The following EPB41L4A variants were observed in gnomAD, a reference collection of about 807,000 sequenced individuals.
The protein encoded by EPB41L4A is erythrocyte membrane protein band 4.1 like 4A.
EPB41L4A carries 100 observed loss-of-function variants against 108.6 expected under a neutral mutation model. The ratio of observed to expected loss-of-function variants is 0.92; its 90% CI spans 0.78 to 1.09. The LOEUF (loss-of-function observed/expected upper bound fraction) is 1.09, where lower values mean the gene tolerates loss of function less well. EPB41L4A is among the 50% of genes least tolerant of loss of function. The pLI, the probability that EPB41L4A is intolerant of heterozygous loss-of-function variation, is 0.00. For missense variants in EPB41L4A, 1,030 were observed against 842.7 expected (o/e 1.22, Z -2.75); for synonymous variants, 319 against 289.0 (o/e 1.10, Z -1.05).
chr5:112,323,139 A>C (rs1755913064), intron 1 of EPB41L4A, among the ~76,000 whole-genome samples: 1 of 152,166 alleles, frequency 6.6e-6, no homozygotes, highest in African/African-American at 2.4e-5. Context: ...AGATGTAACC[A>C]GAAGACAAAA....
chr5:112,195,337 C>T lies in EPB41L4A; in HGVS notation c.1424+324G>A, dbSNP rs568128976. ...CAGCCTCATGAAATCGTGAACAAGA[C>T]GAGCTAAAAAGCTGCCTGTTCAATG... On this transcript the variant is annotated intron_variant, in intron 16 of 22. Coordinates refer to ENST00000261486, the MANE Select transcript of EPB41L4A (RefSeq NM_022140.5). Among the ~76,000 whole-genome samples the T allele has an allele frequency of 5.9e-5, 9 of 151,946 alleles. 1 individual carries two copies. The highest frequency in any genetic ancestry group is 1.7e-4 in the African/African-American group (7 of 41,424).
chr5:112,255,500 T>C (rs1302638684), intron 9 of EPB41L4A, among the ~76,000 whole-genome samples: 1 of 152,136 alleles, frequency 6.6e-6, no homozygotes, highest in South Asian at 2.1e-4. Context: ...ATCTCCTACA[T>C]TCCTAAATTC....
chr5:112,314,383 G>A lies in EPB41L4A; in HGVS notation c.100-6893C>T, dbSNP rs1220787089. ...ACTTTGCAAAAGAAAAGATATGGAA[G>A]TCAGCCGGGCATGGTGGCTCATGCC... On this transcript the variant is annotated intron_variant, in intron 1 of 22. Coordinates refer to ENST00000261486, the MANE Select transcript of EPB41L4A (RefSeq NM_022140.5). Among the ~76,000 whole-genome samples the A allele has an allele frequency of 2.6e-5, 4 of 151,402 alleles. No individual in the cohort carries two copies. The South Asian group carries it at 6.3e-4, about 24-fold the overall frequency.
chr5:112,194,678 A>G (rs773704217), intron 16 of EPB41L4A, 33 bp from the exon 17 acceptor site: 3 of 1,484,694 alleles, frequency 2.0e-6, no homozygotes, highest in South Asian at 1.2e-5. Context: ...AAAAGAAAAA[A>G]CACACATTTA....
At chr5:112,391,964 A>G (rs578099930) in intron 1 of EPB41L4A, among the ~76,000 whole-genome samples, 1 of 152,288 alleles carries the variant, frequency 6.6e-6, no homozygotes, top group South Asian at 2.1e-4. Flanking sequence ...AATTTCATAT[A>G]CAGCCAAACT....
chr5:112,160,178 G>A (rs768837138), downstream of EPB41L4A, among the ~76,000 whole-genome samples: 2 of 152,086 alleles, frequency 1.3e-5, no homozygotes, highest in Non-Finnish European at 2.9e-5. Flanking sequence ...CCAAAGTGCT[G>A]GGATTACAGG....
intron 1 of EPB41L4A, among the ~76,000 whole-genome samples, chr5:112,341,764 A>ACC (rs1443719165): frequency 1.3e-5 from 2 of 151,750 alleles, no homozygotes; most frequent in Non-Finnish European, 1.5e-5. Flanking sequence ...ACACACACAC[A>ACC]CACACACACA....
At chr5:112,196,203 G>A (rs773887345) in intron 15 of EPB41L4A, among the ~76,000 whole-genome samples, 20 of 152,086 alleles carry the variant, frequency 1.3e-4, no homozygotes, top group African/African-American at 2.4e-4. Flanking sequence ...TTTACCACTC[G>A]CCATTTACTT....
chr5:112,339,510 A>ATATATC (rs1491378172), intron 1 of EPB41L4A, among the ~76,000 whole-genome samples: 2 of 56,016 alleles, frequency 3.6e-5, no homozygotes, highest in African/African-American at 1.1e-4. Flanking sequence ...ATATATATAT[A>ATATATC]GATATATAGA....
intron 2 of EPB41L4A, among the ~76,000 whole-genome samples, chr5:112,305,804 C>G (rs1049993259): frequency 6.6e-6 from 1 of 152,124 alleles, no homozygotes; most frequent in African/African-American, 2.4e-5. Context: ...ATATTCTTAT[C>G]ACATCAAAAC....
Position 112,164,691 on chromosome 5 carries a change from C to A in EPB41L4A, c.*299G>T, listed in dbSNP as rs904185820. On this transcript the variant is annotated 3_prime_UTR_variant, in exon 23 of 23. Coordinates refer to ENST00000261486, the MANE Select transcript of EPB41L4A (RefSeq NM_022140.5). ...TACTAAAAATACAAAAAGAATTAGC[C>A]GGGTGTTGTGGTGCACGCCTGTAAT... 1.1e-5 allele frequency: 2 copies of A among 181,662 alleles called. No homozygotes were observed. Among genetic ancestry groups the A allele is most frequent in the Admixed American group, 1.2e-4 (2 of 16,138 alleles). The allele number at this position is 181,662 out of a possible 1,614,324, so 11.3% of individuals were successfully genotyped here.
Position 112,187,694 on chromosome 5 carries a change from C to T in EPB41L4A, c.1503-3559G>A, listed in dbSNP as rs566899781. Among the ~76,000 whole-genome samples the T allele has an allele frequency of 5.9e-5, 9 of 152,290 alleles. No homozygotes were observed. In the East Asian group the frequency reaches 1.2e-3, roughly 20 times the overall value. On this transcript the variant is annotated intron_variant, in intron 17 of 22. Transcript: ENST00000261486. ...ACCAATGAATTCTTACACAAATCCC[C>T]GAGTTTTATTGTGTCCTCTCCCTTT... is the stretch of plus-strand genomic sequence containing the variant.
intron 1 of EPB41L4A, among the ~76,000 whole-genome samples, chr5:112,396,933 T>A (rs1351987602): frequency 2.0e-5 from 3 of 152,244 alleles, no homozygotes; most frequent in Non-Finnish European, 4.4e-5. Flanking sequence ...CTTTTCTTTG[T>A]AAAATATTAT....
chr5:112,313,878 T>TG (rs1169626800), intron 1 of EPB41L4A, among the ~76,000 whole-genome samples: 5 of 146,552 alleles, frequency 3.4e-5, no homozygotes, highest in African/African-American at 1.3e-4. Flanking sequence ...TTTTTTTTTT[T>TG]TTTGAGATGG....
In EPB41L4A at chr5:112,164,273, GA is replaced by G. The variant is rs1760095139; in HGVS notation, c.*716del. On this transcript the variant is annotated 3_prime_UTR_variant, in exon 23 of 23. Coordinates refer to ENST00000261486, the MANE Select transcript of EPB41L4A (RefSeq NM_022140.5). ...ATATGAATAAAAATATATGCAGTCT[GA>G]AAGTGATGCCTCAGTCCTTTTGCAT... 1 of 152,356 alleles carries G rather than the reference GA, an allele frequency of 6.6e-6. No individual in the cohort carries two copies. Among genetic ancestry groups the G allele is most frequent in the East Asian group, 1.9e-4 (1 of 5,192 alleles). The allele number at this position is 152,356 out of a possible 1,614,324, so 9.4% of individuals were successfully genotyped here.
intron 9 of EPB41L4A, chr5:112,257,211 G>A (rs1054190741): frequency 3.3e-5 from 5 of 152,116 alleles, no homozygotes; most frequent in African/African-American, 1.2e-4. Context: ...CCCTGGTGGA[G>A]AAAGAGAAAA....
chr5:112,156,686 G>A (rs1665999917), intron 12 of EPB41L4A, among the ~76,000 whole-genome samples: 2 of 152,076 alleles, frequency 1.3e-5, no homozygotes, highest in South Asian at 4.1e-4. Flanking sequence ...ACATAAAATC[G>A]ACTATCACAC....
intron 13 of EPB41L4A, among the ~76,000 whole-genome samples, chr5:112,209,596 C>A (rs1170513485): frequency 6.6e-6 from 1 of 152,204 alleles, no homozygotes; most frequent in Non-Finnish European, 1.5e-5. Context: ...TTATATCATG[C>A]CATTTTCAAA....
chr5:112,161,836 G>A, downstream of EPB41L4A: 1 of 293,348 alleles, frequency 3.4e-6, no homozygotes, highest in Non-Finnish European at 6.8e-6. Context: ...TTAAATTGGG[G>A]TTCCTTCTCT....
Sources: gnomAD v4.1 joint callset for allele counts (sites outside exome capture counted in the v4.1 genomes callset) on GRCh38, gnomAD v4.1.1 for gene constraint, MANE v1.5 for transcripts, NCBI Gene and HGNC (gene_info 2026-07-23, HGNC 2026-07-21) for gene names.